NAA11: variants seen among roughly 807,000 people sequenced by gnomAD.
NAA11 encodes N-alpha-acetyltransferase 11.
NAA11 carries 15 observed loss-of-function variants against 16.1 expected under a neutral mutation model. The observed-to-expected ratio is 0.93, with a 90% confidence interval of 0.62 to 1.44. The LOEUF is 1.44. NAA11 is among the 40% of genes most tolerant of loss of function. The pLI is 0.00. For missense variants in NAA11, 298 were observed against 291.3 expected (o/e 1.02, Z -0.17); for synonymous variants, 122 against 112.4 (o/e 1.09, Z -0.54).
At chr4:79,183,591 T>C in the NAA11 span, among the ~76,000 whole-genome samples, 3 of 152,132 alleles carry the variant, frequency 2.0e-5, no homozygotes, top group Admixed American at 2.0e-4. Flanking sequence ...AAGATTTTGC[T>C]AGGATGCTCT....
chr4:79,185,807 C>T, the NAA11 span, among the ~76,000 whole-genome samples: 1 of 151,834 alleles, frequency 6.6e-6, no homozygotes, highest in African/African-American at 2.4e-5. Context: ...AAACTCTTTC[C>T]AACTGGCTAC....
intron 1 of NAA11, among the ~76,000 whole-genome samples, chr4:79,304,044 G>A (rs968868732): frequency 4.6e-5 from 7 of 151,930 alleles, no homozygotes; most frequent in African/African-American, 9.7e-5. Flanking sequence ...ACAGCTCTTC[G>A]ACCATCATGT....
the NAA11 span, among the ~76,000 whole-genome samples, chr4:79,163,954 C>T: frequency 2.4e-4 from 37 of 152,200 alleles, no homozygotes; most frequent in African/African-American, 8.7e-4. Context: ...GACAGAGAGG[C>T]TATGGTTCCT....
rs771241226 is a variant in NAA11, at chr4:79,325,423, G to T, written c.455C>A (p.Ser152Ter). Residue 152 changes from serine to a stop codon, truncating the protein, a stop_gained, in exon 1 of 2, where the codon TCG becomes TAG. Coordinates refer to ENST00000286794, the MANE Select transcript of NAA11 (RefSeq NM_032693.3). LOFTEE classifies it high-confidence loss of function. Reference protein sequence around the residue: ...EDAYAMKRDLSQMADELRRQM... With the variant: ...EDAYAMKRDL ...TCGTCTCAGCTCATCTGCCATCTGC[G>T]AGAGATCCCGCTTCATAGCATAAGC... 1 of 1,614,030 alleles carries T rather than the reference G, an allele frequency of 6.2e-7. No individual in the cohort carries two copies. Among genetic ancestry groups the T allele is most frequent in the Non-Finnish European group, 8.5e-7 (1 of 1,180,028 alleles).
chr4:79,284,566 T>C (rs1722866866), intron 2 of NAA11, among the ~76,000 whole-genome samples: 1 of 152,060 alleles, frequency 6.6e-6, no homozygotes, highest in South Asian at 2.1e-4. Context: ...GAAGAATGAT[T>C]GATGTCTTAA....
At chr4:79,280,520 G>A (rs946715313) in intron 2 of NAA11, among the ~76,000 whole-genome samples, 12 of 151,960 alleles carry the variant, frequency 7.9e-5, no homozygotes, top group East Asian at 1.9e-4. Flanking sequence ...TGAGTCTGTC[G>A]TGGTTTTTTG....
chr4:79,305,901 GC>G (rs1723566783), intron 1 of NAA11, among the ~76,000 whole-genome samples: 1 of 151,904 alleles, frequency 6.6e-6, no homozygotes, highest in African/African-American at 2.4e-5. Context: ...AAATTAATTA[GC>G]CTATCCTACT....
chr4:79,280,645 G>A (rs1225422584), intron 2 of NAA11, among the ~76,000 whole-genome samples: 1 of 151,680 alleles, frequency 6.6e-6, no homozygotes. Flanking sequence ...TCTTGTGCCT[G>A]GAGAATCCTG....
the NAA11 span, among the ~76,000 whole-genome samples, chr4:79,214,441 C>T: frequency 1.3e-5 from 2 of 152,036 alleles, no homozygotes; most frequent in African/African-American, 4.8e-5. Flanking sequence ...GGTGATTAGG[C>T]CATATGTGGT....
Position 79,325,564 on chromosome 4 carries a change from T to G in NAA11, c.314A>C (p.Lys105Thr). The part of the protein sequence containing the change: ...SRAMIENFNA[K>T]YVSLHVRKSN... ...CTTCCTGACGTGCAGAGACACGTAT[T>G]TGGCGTTAAAGTTCTCTATCATGGC... The change falls in exon 1 of 2, where the codon AAA (lysine) becomes ACA (threonine). Residue 105 changes from lysine (K) to threonine (T), a missense_variant. Lys to Thr is a moderately conservative substitution (Grantham distance 78, BLOSUM62 -1). Coordinates refer to ENST00000286794, the MANE Select transcript of NAA11 (RefSeq NM_032693.3). 6.2e-7 allele frequency: 1 copy of G among 1,614,086 alleles called. No homozygotes were observed. Among genetic ancestry groups the G allele is most frequent in the Non-Finnish European group, 8.5e-7 (1 of 1,179,970 alleles).
chr4:79,177,230 G>A, the NAA11 span, among the ~76,000 whole-genome samples: 4 of 151,590 alleles, frequency 2.6e-5, no homozygotes, highest in African/African-American at 9.7e-5. Context: ...TAATGTTTTG[G>A]GGGTGAACTA....
At chr4:79,311,241 T>C (rs1443701987) in intron 1 of NAA11, among the ~76,000 whole-genome samples, 1 of 152,186 alleles carries the variant, frequency 6.6e-6, no homozygotes, top group East Asian at 1.9e-4. Flanking sequence ...AAACTATAAA[T>C]ACAGTCTGTT....
rs961409344 is a variant in NAA11 at position 79,317,492 on chromosome 4, T to C, written c.*312A>G. On this transcript the variant is annotated 3_prime_UTR_variant, in exon 2 of 2. Coordinates refer to ENST00000286794, the MANE Select transcript of NAA11 (RefSeq NM_032693.3). ...TCTAAAAGGAGAAAAACTTGCAGGA[T>C]AACCACACCCAACAGAGGACTACTA... 1.3e-5 allele frequency: 2 copies of C among 152,336 alleles called. No homozygotes were observed. The highest frequency in any genetic ancestry group is 2.9e-5 in the Non-Finnish European group (2 of 68,038). 9.4% of individuals were successfully genotyped at this position (152,336 alleles called of 1,614,324 possible). A position where few individuals can be genotyped will look rare whatever the true frequency, so the allele number is the denominator to read the frequency against.
the NAA11 span, among the ~76,000 whole-genome samples, chr4:79,193,860 A>G: frequency 6.6e-6 from 1 of 152,226 alleles, no homozygotes; most frequent in Non-Finnish European, 1.5e-5. Context: ...ACCCATGAAC[A>G]TGGAATGTTC....
At chr4:79,266,027 C>T (rs1722336541) in intron 2 of NAA11, among the ~76,000 whole-genome samples, 1 of 152,184 alleles carries the variant, frequency 6.6e-6, no homozygotes, top group African/African-American at 2.4e-5. Flanking sequence ...ATCAACCTCA[C>T]ATTCCTCTAC....
At chr4:79,222,402 T>C (rs1387755342), downstream of NAA11, among the ~76,000 whole-genome samples, 124 of 146,894 alleles carry the variant, frequency 8.4e-4, no homozygotes, top group African/African-American at 2.8e-3. Flanking sequence ...GAAAGGATTC[T>C]CTATTTAATA....
chr4:79,267,573 T>C (rs1722381348), intron 2 of NAA11, among the ~76,000 whole-genome samples: 1 of 152,128 alleles, frequency 6.6e-6, no homozygotes, highest in African/African-American at 2.4e-5. Flanking sequence ...GGTAAAATCT[T>C]CTTTACAATG....
chr4:79,162,436 A>G, the NAA11 span, among the ~76,000 whole-genome samples: 2 of 152,202 alleles, frequency 1.3e-5, no homozygotes, highest in Non-Finnish European at 2.9e-5. Flanking sequence ...ATGGATGAAA[A>G]GGACACACCT....
intron 2 of NAA11, among the ~76,000 whole-genome samples, chr4:79,275,113 T>C (rs189659642): frequency 1.1e-4 from 17 of 152,166 alleles, no homozygotes; most frequent in Admixed American, 9.8e-4. Flanking sequence ...TAAGTAACCA[T>C]ATTCTAATAC....
Sources: allele counts gnomAD v4.1 joint callset (sites outside exome capture counted in the v4.1 genomes callset), GRCh38; gene constraint gnomAD v4.1.1; transcripts MANE v1.5; gene names NCBI Gene and HGNC (gene_info 2026-07-23, HGNC 2026-07-21).